Variants in DDX10 observed in about 807,000 individuals in gnomAD.
The protein encoded by DDX10 is DEAD-box helicase 10, also known as probable ATP-dependent RNA helicase DDX10.
Under a neutral mutation model 104.3 loss-of-function variants are expected in DDX10, and 74 were observed. The observed-to-expected ratio is 0.71, with a 90% CI of 0.59 to 0.86. The LOEUF is 0.86. Among genes scored for constraint, DDX10 ranks in the 40% least tolerant of loss-of-function variants. The pLI, the probability that DDX10 is intolerant of heterozygous loss-of-function variation, is 0.00. For missense variants in DDX10, 952 were observed against 1,040.0 expected, an observed-to-expected ratio of 0.92 and a Z score of 1.16; for synonymous variants, 351 against 353.4, an observed-to-expected ratio of 0.99 and a Z score of 0.08.
chr11:108,684,019 T>G (rs1450968547), intron 6 of DDX10, among the ~76,000 whole-genome samples: 1 of 151,988 alleles, frequency 6.6e-6, no homozygotes, highest in African/African-American at 2.4e-5. Context: ...ATTCATCTTG[T>G]GTCATCCCAA....
chr11:108,696,528 G>C (rs1248671375), intron 9 of DDX10, among the ~76,000 whole-genome samples: 1 of 151,982 alleles, frequency 6.6e-6, no homozygotes, highest in Non-Finnish European at 1.5e-5. Context: ...AGTCATCAGT[G>C]GTGGTTGGTG....
At chr11:108,914,978 A>G (rs1440871760) in intron 16 of DDX10, among the ~76,000 whole-genome samples, 1 of 152,008 alleles carries the variant, frequency 6.6e-6, no homozygotes, top group Non-Finnish European at 1.5e-5. Flanking sequence ...ATTGTCCTGT[A>G]TGAGGAATAG....
chr11:108,888,223 C>G (rs921925745), intron 16 of DDX10, among the ~76,000 whole-genome samples: 38 of 152,292 alleles, frequency 2.5e-4, no homozygotes, highest in African/African-American at 7.9e-4. Context: ...AAAAACCTCT[C>G]TGTATTGAAT....
chr11:108,676,982 TCTGC>T (rs2134438911), intron 3 of DDX10, 99 bp from the exon 4 acceptor site: 1 of 1,055,494 alleles, frequency 9.5e-7, no homozygotes, highest in East Asian at 2.4e-5. Flanking sequence ...TGGTATGCCT[TCTGC>T]TTGGAAGATC....
chr11:108,724,129 TTGA>T (rs759473813), intron 13 of DDX10, among the ~76,000 whole-genome samples: 1 of 152,140 alleles, frequency 6.6e-6, no homozygotes, highest in Admixed American at 6.6e-5. Flanking sequence ...GCCTTTATTC[TTGA>T]TCATCTTTTT....
intron 13 of DDX10, among the ~76,000 whole-genome samples, chr11:108,827,881 T>G (rs1013004261): frequency 7.2e-5 from 11 of 152,344 alleles, no homozygotes; most frequent in Admixed American, 4.6e-4. Flanking sequence ...ATATTTTCAT[T>G]GGCTCTTAAA....
chr11:108,895,751 A>G (rs930669983), intron 16 of DDX10, among the ~76,000 whole-genome samples: 2 of 152,064 alleles, frequency 1.3e-5, no homozygotes, highest in African/African-American at 4.8e-5. Context: ...CACAAGTCCT[A>G]TTTTAATAGC....
At chr11:108,706,419 C>G (rs1042812058) in intron 9 of DDX10, among the ~76,000 whole-genome samples, 19 of 151,952 alleles carry the variant, frequency 1.3e-4, no homozygotes, top group African/African-American at 4.6e-4. Context: ...TATTATGATC[C>G]TCTAGTGGCT....
At chr11:108,799,230 C>T (rs1861985772) in intron 13 of DDX10, among the ~76,000 whole-genome samples, 1 of 152,192 alleles carries the variant, frequency 6.6e-6, no homozygotes, top group African/African-American at 2.4e-5. Context: ...CCTTAGCATG[C>T]TTTATGATCT....
At chr11:108,726,926 TG>T (rs1352540040) in intron 13 of DDX10, among the ~76,000 whole-genome samples, 3 of 152,158 alleles carry the variant, frequency 2.0e-5, no homozygotes, top group Non-Finnish European at 4.4e-5. Context: ...ATGCTTTTTC[TG>T]TAAACATTAA....
intron 5 of DDX10, among the ~76,000 whole-genome samples, chr11:108,679,096 A>T (rs2094230727): frequency 6.6e-6 from 1 of 151,910 alleles, no homozygotes; most frequent in Non-Finnish European, 1.5e-5. Context: ...TGACCTTGTG[A>T]TCTGCCCACC....
At chr11:108,680,476 A>G (rs1200746607) in intron 6 of DDX10, among the ~76,000 whole-genome samples, 1 of 152,214 alleles carries the variant, frequency 6.6e-6, no homozygotes, top group Non-Finnish European at 1.5e-5. Context: ...TGGCCTCCCA[A>G]AGTGTTGAGA....
Position 108,679,794 on chromosome 11 carries a change from T to C in DDX10, c.848+234T>C, listed in dbSNP as rs560431262. On this transcript the variant is annotated intron_variant, in intron 6 of 17. Coordinates refer to ENST00000322536, the MANE Select transcript of DDX10 (RefSeq NM_004398.4). ...GGTCTGGGAGGGGAACAAATGTTTTTCCATAGATGTTAAGAGGTATTTTAC... is the reference window on the plus strand; with the variant it reads ...GGTCTGGGAGGGGAACAAATGTTTTCCCATAGATGTTAAGAGGTATTTTAC... Among the ~76,000 whole-genome samples the C allele has an allele frequency of 6.1e-3, 934 of 152,312 alleles. 10 individuals are homozygous for C. Among genetic ancestry groups the C allele is most frequent in the African/African-American group, 0.021 (879 of 41,554 alleles).
intron 13 of DDX10, among the ~76,000 whole-genome samples, chr11:108,741,250 T>G (rs191662988): frequency 4.6e-5 from 7 of 152,330 alleles, no homozygotes; most frequent in Admixed American, 2.0e-4. Context: ...TGCCTCCTAC[T>G]TCATTCTTTT....
At position 108,918,006 on chromosome 11, in the gene DDX10, A is replaced by G; in HGVS notation, c.2438A>G (p.Glu813Gly). The change falls in exon 17 of 18, where the codon GAA becomes GGA. Residue 813 changes from glutamate to glycine, a missense_variant. By Grantham distance (98) the Glu-to-Gly change is moderately conservative (BLOSUM62 -2). Coordinates refer to ENST00000322536, the MANE Select transcript of DDX10 (RefSeq NM_004398.4). ...GAAGATTCAGATAGTGAAGATATGG[A>G]AAATAAAATAAGGTATGTTTTTACT... Reference protein sequence around the residue: ...SSEDSDSEDMENKISDTKKKQ... With the variant: ...SSEDSDSEDMGNKISDTKKKQ... 1 of 1,613,712 alleles carries G rather than the reference A, an allele frequency of 6.2e-7. No homozygotes were observed. Among genetic ancestry groups the G allele is most frequent in the Non-Finnish European group, 8.5e-7 (1 of 1,179,798 alleles).
In DDX10 at chr11:108,770,346, A is replaced by G. The variant is rs948650612; in HGVS notation, c.1965+46884A>G. On this transcript the variant is annotated intron_variant, in intron 13 of 17. Coordinates refer to ENST00000322536, the MANE Select transcript of DDX10 (RefSeq NM_004398.4). Reference sequence around the variant, plus strand: ...TAAAAATAAACAATTACTATTCACTATAGTCACCCTATTATGCTATCAAAT... The same window carrying G: ...TAAAAATAAACAATTACTATTCACTGTAGTCACCCTATTATGCTATCAAAT... Among the ~76,000 whole-genome samples the G allele has an allele frequency of 4.6e-5, 7 of 152,246 alleles. No individual in the cohort carries two copies. The East Asian group carries it at 1.4e-3, about 29-fold the overall frequency.
At chr11:108,758,994 A>G (rs930519744) in intron 13 of DDX10, among the ~76,000 whole-genome samples, 7 of 152,032 alleles carry the variant, frequency 4.6e-5, no homozygotes, top group African/African-American at 1.7e-4. Flanking sequence ...TGGTGGCCGA[A>G]AGGAAAATGG....
At chr11:108,796,574 A>T (rs1190177634) in intron 13 of DDX10, among the ~76,000 whole-genome samples, 1 of 152,204 alleles carries the variant, frequency 6.6e-6, no homozygotes, top group Non-Finnish European at 1.5e-5. Flanking sequence ...TTTAATCTAA[A>T]AACTGTCTTT....
chr11:108,692,894 T>A lies in DDX10; in HGVS notation c.1139-622T>A, dbSNP rs913898245. Among the ~76,000 whole-genome samples, 4 of 152,190 alleles carry A rather than the reference T, an allele frequency of 2.6e-5. No homozygotes were observed. The East Asian group carries it at 7.7e-4, about 29-fold the overall frequency. Reference sequence around the variant, plus strand: ...ATGCGCCATGCCTGACTAGTTTTTATTTTACTTAATTTTTTATTATGCTTT... The same window carrying A: ...ATGCGCCATGCCTGACTAGTTTTTAATTTACTTAATTTTTTATTATGCTTT... On this transcript the variant is annotated intron_variant, in intron 8 of 17. Transcript: ENST00000322536.
Sources: allele counts gnomAD v4.1 joint callset (sites outside exome capture counted in the v4.1 genomes callset), GRCh38; gene constraint gnomAD v4.1.1; transcripts MANE v1.5; gene names NCBI Gene and HGNC (gene_info 2026-07-23, HGNC 2026-07-21).